Variants in INSL6 observed in about 807,000 individuals in gnomAD.
INSL6 encodes the protein insulin-like peptide INSL6.
INSL6 carries 16 observed loss-of-function variants against 9.4 expected under a neutral mutation model. The observed-to-expected ratio is 1.70, with a 90% CI of 1.15 to 2.59. INSL6 has a LOEUF of 2.59. INSL6 is among the 30% of genes most tolerant of loss of function. The probability of loss-of-function intolerance (pLI) is 0.00; values close to 1 mark genes in which losing one functional copy is unlikely to be tolerated. For synonymous variants in INSL6, 154 were observed against 96.9 expected, an observed-to-expected ratio of 1.59 and a Z score of -3.46; for missense variants, 391 against 257.3, an observed-to-expected ratio of 1.52 and a Z score of -3.56.
At chr9:5,101,232 C>T in the INSL6 span, among the ~76,000 whole-genome samples, 1 of 152,224 alleles carries the variant, frequency 6.6e-6, no homozygotes, top group Non-Finnish European at 1.5e-5. Flanking sequence ...AGATTATATC[C>T]CATGTCTGGC....
At chr9:5,087,862 C>T in the INSL6 span, among the ~76,000 whole-genome samples, 2 of 152,090 alleles carry the variant, frequency 1.3e-5, no homozygotes, top group East Asian at 3.8e-4. Flanking sequence ...AATGACATGA[C>T]TGTATTTAAA....
the INSL6 span, among the ~76,000 whole-genome samples, chr9:5,105,669 A>G: frequency 6.6e-6 from 1 of 152,296 alleles, no homozygotes; most frequent in East Asian, 1.9e-4. Flanking sequence ...AAACTATACT[A>G]CAAGGCTACC....
At chr9:5,100,037 C>T in the INSL6 span, 4 of 152,216 alleles carry the variant, frequency 2.6e-5, no homozygotes, top group Non-Finnish European at 5.9e-5. Flanking sequence ...GTGCAATTAA[C>T]AGCCAACATT....
chr9:5,103,414 C>G, the INSL6 span, among the ~76,000 whole-genome samples: 1 of 151,802 alleles, frequency 6.6e-6, no homozygotes, highest in Non-Finnish European at 1.5e-5. Flanking sequence ...CACCAAGATT[C>G]ATAAAGCAAG....
the INSL6 span, chr9:5,073,821 A>G: frequency 3.8e-6 from 5 of 1,308,646 alleles, no homozygotes; most frequent in East Asian, 1.2e-4. Context: ...TGCCTTTCTC[A>G]GAGCATCTGT....
the INSL6 span, among the ~76,000 whole-genome samples, chr9:5,092,299 T>C: frequency 2.8e-4 from 42 of 152,132 alleles, no homozygotes; most frequent in Non-Finnish European, 5.7e-4. Context: ...ACACTGCCTG[T>C]CACCCTCCGC....
the INSL6 span, among the ~76,000 whole-genome samples, chr9:5,075,513 C>T: frequency 6.6e-6 from 1 of 152,188 alleles, no homozygotes; most frequent in African/African-American, 2.4e-5. Flanking sequence ...TCTACTCTGC[C>T]TGTGCTCTAT....
At chr9:5,139,563 A>G (rs1030077383) in intron 2 of INSL6, among the ~76,000 whole-genome samples, 1 of 152,218 alleles carries the variant, frequency 6.6e-6, no homozygotes, top group Non-Finnish European at 1.5e-5. Context: ...GCTTGAGGAA[A>G]GGAACCATAT....
the INSL6 span, among the ~76,000 whole-genome samples, chr9:5,013,722 C>T: frequency 2.0e-5 from 3 of 152,182 alleles, no homozygotes; most frequent in African/African-American, 7.2e-5. Context: ...TAAAACCTTT[C>T]TTTGTTTTAA....
At chr9:5,049,441 T>C in the INSL6 span, among the ~76,000 whole-genome samples, 1 of 152,234 alleles carries the variant, frequency 6.6e-6, no homozygotes, top group Non-Finnish European at 1.5e-5. Flanking sequence ...TCTATTTCTT[T>C]ACCCTGTTTT....
the INSL6 span, among the ~76,000 whole-genome samples, chr9:5,106,474 C>T: frequency 6.6e-6 from 1 of 152,154 alleles, no homozygotes; most frequent in African/African-American, 2.4e-5. Context: ...AGTTCAACCA[C>T]TGCAGAAGAC....
rs142332548 is a variant in INSL6, at chr9:5,172,631, G to A, written c.290-8366C>T. ...ATTTACAAGAAAAAACAAACAATCC[G>A]CTTAAAGAGTGGCCAGGCCAGGTGC... On this transcript the variant is annotated intron_variant, in intron 1 of 1. Coordinates refer to ENST00000381641, the MANE Select transcript of INSL6 (RefSeq NM_007179.3). Among the ~76,000 whole-genome samples the A allele has an allele frequency of 5.8e-3, 882 of 151,870 alleles. 4 individuals are homozygous for A. Among genetic ancestry groups the A allele is most frequent in the African/African-American group, 0.019 (802 of 41,504 alleles).
chr9:5,063,924 A>C, the INSL6 span, among the ~76,000 whole-genome samples: 1 of 152,214 alleles, frequency 6.6e-6, no homozygotes, highest in Admixed American at 6.5e-5. Context: ...TTGGGAGGCC[A>C]AGGCGGGCGG....
the INSL6 span, among the ~76,000 whole-genome samples, chr9:5,017,108 T>A: frequency 1.2e-4 from 19 of 152,324 alleles, no homozygotes; most frequent in East Asian, 2.5e-3. Context: ...ATAGCAGACT[T>A]CATATTTATG....
chr9:5,028,138 C>T, the INSL6 span, among the ~76,000 whole-genome samples: 10 of 152,072 alleles, frequency 6.6e-5, no homozygotes, highest in African/African-American at 1.4e-4. Context: ...AATGTGTTTC[C>T]CAAATAATAA....
chr9:5,089,980 A>G, the INSL6 span: 1 of 552,442 alleles, frequency 1.8e-6, no homozygotes. Context: ...AGGGAGAGGC[A>G]TTCTATAATG....
At chr9:5,113,307 C>T in the INSL6 span, among the ~76,000 whole-genome samples, 1 of 143,650 alleles carries the variant, frequency 7.0e-6, no homozygotes, top group African/African-American at 2.6e-5. Context: ...GTGGAGAAAT[C>T]GTAACATATC....
chr9:5,013,552 A>G, the INSL6 span, among the ~76,000 whole-genome samples: 427 of 152,268 alleles, frequency 2.8e-3, no homozygotes, highest in African/African-American at 9.9e-3. Context: ...ATCCAGCCAA[A>G]CTTGTCTCTA....
chr9:5,108,329 A>G, the INSL6 span: 1 of 152,130 alleles, frequency 6.6e-6, no homozygotes, highest in African/African-American at 2.4e-5. Context: ...TCACCCGCTG[A>G]GGGAACCAAC....
Sources: gnomAD v4.1 joint callset for allele counts (sites outside exome capture counted in the v4.1 genomes callset) on GRCh38, gnomAD v4.1.1 for gene constraint, MANE v1.5 for transcripts, NCBI Gene and HGNC (gene_info 2026-07-23, HGNC 2026-07-21) for gene names.